The following DMD variants were observed in gnomAD, a reference collection of about 807,000 sequenced individuals.
DMD encodes dystrophin.
A neutral mutation model predicts 330.1 loss-of-function variants in DMD; 63 were observed. The ratio of observed to expected loss-of-function variants is 0.19; its 90% confidence interval spans 0.16 to 0.24. DMD has a LOEUF of 0.24. Among genes scored for constraint, DMD ranks in the 10% least tolerant of loss-of-function variants. DMD has a pLI of 1.00. For missense variants in DMD, 3,344 were observed against 2,684.1 expected (o/e 1.25, Z -5.43); for synonymous variants, 1,223 against 959.8 (o/e 1.27, Z -5.07).
intron 13 of DMD, among the ~76,000 whole-genome samples, chrX:32,587,745 G>A (rs2054455862): frequency 3.6e-5 from 4 of 111,485 alleles, no homozygotes. Context: ...ATGAAGAACA[G>A]CTCACCACTT....
chrX:31,645,585 G>A (rs1369958203), intron 54 of DMD, among the ~76,000 whole-genome samples: 6 of 112,410 alleles, frequency 5.3e-5, no homozygotes, highest in Non-Finnish European at 5.6e-5. Flanking sequence ...TACTATTCAG[G>A]TAACTCACGG....
intron 44 of DMD, among the ~76,000 whole-genome samples, chrX:32,023,699 T>C (rs779929072): frequency 4.8e-4 from 54 of 111,448 alleles, no homozygotes; most frequent in Non-Finnish European, 9.8e-4. Flanking sequence ...AGGTGCCCAT[T>C]AATGGTGGAC....
intron 7 of DMD, 56 bp downstream of exon 7, chrX:32,809,437 T>A: frequency 5.0e-6 from 5 of 1,002,163 alleles, no homozygotes; most frequent in Non-Finnish European, 7.1e-6. Flanking sequence ...AAGTCTCAGA[T>A]GAAAACATTA....
chrX:32,398,547 A>T (rs1603632524), intron 30 of DMD, among the ~76,000 whole-genome samples: 1 of 111,268 alleles, frequency 9.0e-6, no homozygotes, highest in African/African-American at 3.3e-5. Context: ...TAAAGCATAT[A>T]AATTTTTCTG....
intron 11 of DMD, among the ~76,000 whole-genome samples, chrX:32,620,504 A>T (rs1263296596): frequency 8.9e-6 from 1 of 112,521 alleles, no homozygotes; most frequent in Non-Finnish European, 1.9e-5. Flanking sequence ...GAACATTGCA[A>T]TCAGAAGTTA....
At chrX:32,844,961 A>T (rs1312315722) in intron 3 of DMD, 101 bp from the exon 4 acceptor site, 10 of 672,605 alleles carry the variant, frequency 1.5e-5, no homozygotes, top group Non-Finnish European at 2.4e-5. Flanking sequence ...TGAATATTGT[A>T]AACGAACAGA....
intron 67 of DMD, among the ~76,000 whole-genome samples, chrX:31,188,634 A>T (rs140206771): frequency 2.2e-4 from 25 of 111,823 alleles, no homozygotes; most frequent in Non-Finnish European, 2.3e-4. Flanking sequence ...TTGTTTTGGC[A>T]ATAACTCCAT....
At chrX:31,696,402 C>T (rs1052277704) in intron 52 of DMD, among the ~76,000 whole-genome samples, 1 of 111,614 alleles carries the variant, frequency 9.0e-6, no homozygotes, top group Non-Finnish European at 1.9e-5. Flanking sequence ...TATGACTGTT[C>T]GATTCCTTCA....
intron 49 of DMD, among the ~76,000 whole-genome samples, chrX:31,836,116 T>C (rs1211321037): frequency 1.8e-5 from 2 of 111,846 alleles, no homozygotes; most frequent in Non-Finnish European, 3.8e-5. Context: ...TGTGAATAAA[T>C]GTGACCTAGA....
At chrX:33,051,644 C>CTTTTTTTTTTTTTTTTTT (rs1569551755) in intron 1 of DMD, among the ~76,000 whole-genome samples, 7 of 80,694 alleles carry the variant, frequency 8.7e-5, no homozygotes, top group African/African-American at 4.3e-4. Context: ...TAATTACGCT[C>CTTTTTTTTTTTTTTTTTT]TATTTTTTTT....
chrX:31,821,501 A>T (rs1445750374), intron 49 of DMD, among the ~76,000 whole-genome samples: 1 of 112,094 alleles, frequency 8.9e-6, no homozygotes, highest in East Asian at 2.8e-4. Flanking sequence ...CCGAGCAGAG[A>T]AAAGCTACCA....
chrX:32,975,127 A>T (rs1602343834), intron 2 of DMD, among the ~76,000 whole-genome samples: 1 of 106,875 alleles, frequency 9.4e-6, no homozygotes, highest in African/African-American at 3.4e-5. Flanking sequence ...TTGAAGCATC[A>T]TTTTTTTTTT....
At chrX:31,809,117 A>T (rs1404766497) in intron 50 of DMD, among the ~76,000 whole-genome samples, 1 of 105,922 alleles carries the variant, frequency 9.4e-6, no homozygotes, top group Non-Finnish European at 1.9e-5. Flanking sequence ...TCTTATATAT[A>T]TATGAGTTTA....
intron 59 of DMD, among the ~76,000 whole-genome samples, chrX:31,476,991 A>C (rs2067831502): frequency 9.0e-6 from 1 of 111,644 alleles, no homozygotes; most frequent in Non-Finnish European, 1.9e-5. Flanking sequence ...ATGATTCATT[A>C]ACTGAAATAG....
intron 43 of DMD, among the ~76,000 whole-genome samples, chrX:32,285,070 G>A (rs5972515): frequency 0.079 from 8,882 of 111,956 alleles, 343 homozygotes; most frequent in African/African-American, 0.16. Context: ...TGGATCATTT[G>A]CCAAAAATTA....
intron 7 of DMD, among the ~76,000 whole-genome samples, chrX:32,794,090 A>T (rs2076015983): frequency 1.8e-5 from 2 of 112,181 alleles, no homozygotes; most frequent in South Asian, 7.3e-4. Flanking sequence ...AATAAATATG[A>T]CATATTACAT....
At chrX:32,077,067 TA>T (rs1299565162) in intron 44 of DMD, among the ~76,000 whole-genome samples, 17 of 111,921 alleles carry the variant, frequency 1.5e-4, no homozygotes, top group Admixed American at 6.6e-4. Flanking sequence ...TTAGGTGAAA[TA>T]GATCCATTTG....
At chrX:32,291,032 C>T (rs2097465566) in intron 42 of DMD, among the ~76,000 whole-genome samples, 2 of 111,432 alleles carry the variant, frequency 1.8e-5, no homozygotes, top group African/African-American at 3.3e-5. Context: ...AACACACACG[C>T]AAAGCTAGGT....
At chrX:32,259,672 G>A (rs947854541) in intron 43 of DMD, among the ~76,000 whole-genome samples, 2 of 111,278 alleles carry the variant, frequency 1.8e-5, no homozygotes, top group South Asian at 3.8e-4. Context: ...CATCGAGTTC[G>A]TTGCGATGAA....
Sources: allele counts gnomAD v4.1 joint callset (sites outside exome capture counted in the v4.1 genomes callset), GRCh38; gene constraint gnomAD v4.1.1; transcripts MANE v1.5; gene names NCBI Gene and HGNC (gene_info 2026-07-23, HGNC 2026-07-21).